Variants in C1orf159 observed in about 807,000 individuals in gnomAD.
C1orf159 encodes chromosome 1 open reading frame 159, also known as uncharacterized protein C1orf159.
Under a neutral mutation model 25.6 loss-of-function variants are expected in C1orf159, and 19 were observed. The observed-to-expected ratio is 0.74, with a 90% CI of 0.52 to 1.09. The LOEUF (loss-of-function observed/expected upper bound fraction) is 1.09, where lower values mean the gene tolerates loss of function less well. Ranked by LOEUF, C1orf159 falls within the 50% of genes least tolerant of loss-of-function variation. The pLI is 0.00. For synonymous variants in C1orf159, 139 were observed against 124.7 expected, an observed-to-expected ratio of 1.12 and a Z score of -0.77; for missense variants, 274 against 290.6, an observed-to-expected ratio of 0.94 and a Z score of 0.42.
At chr1:1,097,117 T>C (rs548397886) in intron 1 of C1orf159, among the ~76,000 whole-genome samples, 5 of 152,100 alleles carry the variant, frequency 3.3e-5, no homozygotes, top group South Asian at 4.1e-4. Flanking sequence ...GTGCTATCTG[T>C]TTCTTTTGAG....
chr1:1,107,020 C>T (rs1646182868), intron 1 of C1orf159: 1 of 152,372 alleles, frequency 6.6e-6, no homozygotes, highest in Non-Finnish European at 1.5e-5. Context: ...GCTCGGCAGC[C>T]TGCCATGCCC....
chr1:1,114,484 C>T (rs1008984905), intron 1 of C1orf159, among the ~76,000 whole-genome samples: 9 of 152,140 alleles, frequency 5.9e-5, no homozygotes, highest in Non-Finnish European at 1.3e-4. Context: ...GGAGAGCAGC[C>T]GCAAGGCAGG....
At chr1:1,112,040 TGCCGTAGGTGGCTCA>T (rs1646264331) in intron 1 of C1orf159, among the ~76,000 whole-genome samples, 1 of 152,218 alleles carries the variant, frequency 6.6e-6, no homozygotes, top group Non-Finnish European at 1.5e-5. Flanking sequence ...GTCGGGCGGT[TGCCGTAGGTGGCTCA>T]GCAGACGTGA....
At chr1:1,090,799 C>A in intron 3 of C1orf159, 7 of 1,250,342 alleles carry the variant, frequency 5.6e-6, no homozygotes, top group Non-Finnish European at 8.0e-6. Context: ...GTGCCCGGGC[C>A]TGGCTGGCAT....
Position 1,110,698 on chromosome 1 carries a change from GC to G in C1orf159, c.-136+5361del, listed in dbSNP as rs1163133945. ...TTCCCAAGAGAAACAACACACGCCC[GC>G]CAAACACGTGCACAAAAATAGGCCC... On this transcript the variant is annotated intron_variant, in intron 1 of 9. Transcript: ENST00000421241. The surrounding 1 kb of genome is among the most constrained non-coding windows in gnomAD (Gnocchi z 4.8). Among the ~76,000 whole-genome samples the G allele has an allele frequency of 6.6e-6, 1 of 151,976 alleles. No homozygotes were observed. Among genetic ancestry groups the G allele is most frequent in the East Asian group, 1.9e-4 (1 of 5,194 alleles).
chr1:1,091,510 G>A lies in C1orf159; in HGVS notation c.34C>T (p.Leu12Phe). The A allele has an allele frequency of 1.3e-6, 2 of 1,550,232 alleles. No homozygotes were observed. Among genetic ancestry groups the A allele is most frequent in the Non-Finnish European group, 1.7e-6 (2 of 1,146,892 alleles). The change falls in exon 3 of 10, where the codon CTT (leucine) becomes TTT (phenylalanine). Residue 12 changes from leucine (L) to phenylalanine (F), a missense_variant. Transcript: ENST00000421241. ...GACTTGCTGGCGACTCCCACGAGAAGGCCAGCCAGGAGGGCGAGGTGCCGC... is the reference window on the plus strand; with the variant it reads ...GACTTGCTGGCGACTCCCACGAGAAAGCCAGCCAGGAGGGCGAGGTGCCGC... ...ALRHLALLAG[L>F]LVGVASKSME... is the part of the protein sequence containing the mutation.
rs79584542 is a variant in C1orf159, at chr1:1,112,254, G to A, written c.-136+3806C>T. Among the ~76,000 whole-genome samples, 27 of 152,368 alleles carry A rather than the reference G, an allele frequency of 1.8e-4. No individual in the cohort carries two copies. The East Asian group carries it at 4.4e-3, about 25-fold the overall frequency. Reference sequence around the variant, plus strand: ...CCCGATACGATCTCAGGAACTGGGCGAGTTGGCTCAAGCGTGTGCACTGAG... The same window carrying A: ...CCCGATACGATCTCAGGAACTGGGCAAGTTGGCTCAAGCGTGTGCACTGAG... On this transcript the variant is annotated intron_variant, in intron 1 of 9. Coordinates refer to ENST00000421241, the MANE Select transcript of C1orf159 (RefSeq NM_017891.5).
chr1:1,093,863 G>T (rs1003722066), intron 1 of C1orf159, among the ~76,000 whole-genome samples: 1 of 152,172 alleles, frequency 6.6e-6, no homozygotes, highest in Non-Finnish European at 1.5e-5. Flanking sequence ...AACTGCAGCC[G>T]TCTTCCACAG....
intron 1 of C1orf159, among the ~76,000 whole-genome samples, chr1:1,094,145 T>A (rs1645978840): frequency 6.6e-6 from 1 of 151,972 alleles, no homozygotes; most frequent in African/African-American, 2.4e-5. Context: ...TTGCCCAGGC[T>A]GGAGTGCAGT....
At chr1:1,109,642 A>AT (rs538044272) in intron 1 of C1orf159, among the ~76,000 whole-genome samples, 7 of 151,824 alleles carry the variant, frequency 4.6e-5, no homozygotes, top group African/African-American at 1.7e-4. Context: ...TTTTATTTTT[A>AT]TTTTTTGGTA....
At chr1:1,106,944 ACTGC>A (rs1646181055) in intron 1 of C1orf159, 1 of 152,516 alleles carries the variant, frequency 6.6e-6, no homozygotes, top group African/African-American at 2.4e-5. Flanking sequence ...GTCCCCCAGC[ACTGC>A]CAGCCCCCCT....
At chr1:1,100,090 C>T (rs1056827129) in intron 1 of C1orf159, among the ~76,000 whole-genome samples, 61 of 152,228 alleles carry the variant, frequency 4.0e-4, no homozygotes, top group African/African-American at 1.4e-3. Flanking sequence ...AGGCAAGACC[C>T]CATCTCTTAA....
At chr1:1,086,053 C>A in intron 6 of C1orf159, 41 bp from the exon 7 acceptor site, 1 of 1,606,162 alleles carries the variant, frequency 6.2e-7, no homozygotes. Context: ...AGGACGGTGG[C>A]CCTGGCTCCT....
intron 3 of C1orf159, 35 bp downstream of exon 3, chr1:1,091,437 C>T: frequency 6.5e-7 from 1 of 1,541,352 alleles, no homozygotes; most frequent in Non-Finnish European, 8.8e-7. Context: ...GAGGCTCTGG[C>T]TTAGGCCGCG....
Position 1,082,957 on chromosome 1 carries a change from C to A in C1orf159, c.533G>T (p.Arg178Leu), listed in dbSNP as rs757559710. Residue 178 changes from arginine to leucine, a missense_variant, in exon 10 of 10, where the codon CGG becomes CTG. Physicochemically the swap from Arg to Leu is moderately radical, Grantham distance 102 (BLOSUM62 -2). Transcript: ENST00000421241. ...GGGATCCGTGGCCCTGTCCAGGGGC[C>A]GCTCCCGCCTGACGTAGCGCGGCTT... ...VRKPRYVRRE[R>L]PLDRATDPAA... 9 of 1,602,712 alleles carry A rather than the reference C, an allele frequency of 5.6e-6. No homozygotes were observed. Among genetic ancestry groups the A allele is most frequent in the Non-Finnish European group, 7.7e-6 (9 of 1,175,560 alleles).
At chr1:1,104,813 C>G (rs1467135984) in intron 1 of C1orf159, among the ~76,000 whole-genome samples, 1 of 149,544 alleles carries the variant, frequency 6.7e-6, no homozygotes, top group South Asian at 2.1e-4. Context: ...GGCCCTGTCT[C>G]AAAGGAAAAA....
intron 9 of C1orf159, chr1:1,083,813 G>A (rs778392465): frequency 1.6e-5 from 17 of 1,091,706 alleles, no homozygotes; most frequent in Non-Finnish European, 2.3e-5. Flanking sequence ...TGCACAGGGG[G>A]ACGGAGGCCG....
At chr1:1,104,383 T>C (rs908507863) in intron 1 of C1orf159, among the ~76,000 whole-genome samples, 20 of 152,254 alleles carry the variant, frequency 1.3e-4, no homozygotes, top group African/African-American at 4.8e-4. Context: ...CAGGAAACTG[T>C]GCTGGTTGCT....
Position 1,092,031 on chromosome 1 carries a change from C to A in C1orf159, c.-63G>T. 2.2e-6 allele frequency: 1 copy of A among 456,296 alleles called. No homozygotes were observed. Among genetic ancestry groups the A allele is most frequent in the East Asian group, 6.9e-5 (1 of 14,402 alleles). 28.3% of individuals were successfully genotyped at this position (456,296 alleles called of 1,614,324 possible). A position where few individuals can be genotyped will look rare whatever the true frequency, so the allele number is the denominator to read the frequency against. On this transcript the variant is annotated 5_prime_UTR_variant, in exon 2 of 10. Transcript: ENST00000421241. ...GGGGACTACCGACATCAGCCCTTTG[C>A]CCGCCTGGGTGTTCAGGGGTTAGCT...
Sources: gnomAD v4.1 joint callset for allele counts (sites outside exome capture counted in the v4.1 genomes callset) on GRCh38, gnomAD v4.1.1 for gene constraint, Gnocchi (gnomAD v3.1) non-coding constraint, MANE v1.5 for transcripts, NCBI Gene and HGNC (gene_info 2026-07-23, HGNC 2026-07-21) for gene names.